TNRC6A: variants seen among roughly 807,000 people sequenced by gnomAD.
The protein encoded by TNRC6A is trinucleotide repeat containing adaptor 6A.
TNRC6A carries 44 observed loss-of-function variants against 221.2 expected under a neutral mutation model. The observed-to-expected ratio is 0.20, with a 90% CI of 0.16 to 0.26. TNRC6A has a LOEUF of 0.26. TNRC6A is among the 10% of genes least tolerant of loss of function. The pLI is 1.00. For synonymous variants in TNRC6A, 847 were observed against 838.5 expected (o/e 1.01, Z -0.18); for missense variants, 2,199 against 2,404.4 (o/e 0.91, Z 1.79).
intron 2 of TNRC6A, among the ~76,000 whole-genome samples, chr16:24,719,669 A>G (rs1361996534): frequency 6.6e-6 from 1 of 151,746 alleles, no homozygotes; most frequent in Non-Finnish European, 1.5e-5. Context: ...AAAAAAATTA[A>G]AAAAATAAAA....
intron 2 of TNRC6A, chr16:24,661,729 C>G (rs1221081757): frequency 6.6e-6 from 1 of 152,162 alleles, no homozygotes; most frequent in Non-Finnish European, 1.5e-5. Flanking sequence ...TTATTCTTTA[C>G]AGCATAATAT....
intron 2 of TNRC6A, among the ~76,000 whole-genome samples, chr16:24,660,728 CTTTTTT>C (rs138458968): frequency 1.6e-5 from 2 of 122,552 alleles, no homozygotes; most frequent in Non-Finnish European, 3.3e-5. Flanking sequence ...TTTCTTTTTT[CTTTTTT>C]TTTTCTTTTT....
intron 2 of TNRC6A, among the ~76,000 whole-genome samples, chr16:24,688,353 C>T (rs1029836043): frequency 1.6e-4 from 24 of 152,276 alleles, no homozygotes; most frequent in African/African-American, 2.4e-4. Context: ...GTACAGGCTT[C>T]TACAAGCTAC....
rs373768168 is a variant in TNRC6A at position 24,730,854 on chromosome 16, A to G, written c.53+554A>G. 9.0e-5 allele frequency among the ~76,000 whole-genome samples: 13 copies of G among 144,756 alleles called. 1 individual carries two copies. The South Asian group carries it at 2.6e-3, about 29-fold the overall frequency. The allele number at this position is 144,756 out of a possible 152,430, so 95.0% of individuals were successfully genotyped here. A position where few individuals can be genotyped will look rare whatever the true frequency, so the allele number is the denominator to read the frequency against. On this transcript the variant is annotated intron_variant, in intron 2 of 24. Transcript: ENST00000395799. ...GCGTTTTGTTTTCCTTCGAAACTCCATTTCTGTCCATGTTCGGTGTGTGCT... is the reference window on the plus strand; with the variant it reads ...GCGTTTTGTTTTCCTTCGAAACTCCGTTTCTGTCCATGTTCGGTGTGTGCT...
At chr16:24,667,396 T>C (rs1028036409) in intron 2 of TNRC6A, among the ~76,000 whole-genome samples, 4 of 152,214 alleles carry the variant, frequency 2.6e-5, no homozygotes, top group African/African-American at 9.6e-5. Context: ...ACAAGGCCTC[T>C]TGAGGCCCAG....
Position 24,750,774 on chromosome 16 carries a change from A to G in TNRC6A, c.102A>G (p.Lys34=). Residue 34 remains lysine, a synonymous_variant, in exon 3 of 25, where the codon AAA becomes AAG. Transcript: ENST00000395799. The stretch of plus-strand genomic sequence containing the variant: ...AGTTGATGGAAGAAAAGAAAAAGAA[A>G]AAAGACGACAAGAAAAAGAAGGAAG... ...EEQLMEEKKK[K]KDDKKKKEAA... is the part of the protein sequence containing the mutation. 6.4e-7 allele frequency: 1 copy of G among 1,569,620 alleles called. No individual in the cohort carries two copies. The highest frequency in any genetic ancestry group is 8.6e-7 in the Non-Finnish European group (1 of 1,160,804).
At chr16:24,747,952 A>G (rs1257393048) in intron 2 of TNRC6A, among the ~76,000 whole-genome samples, 1 of 152,184 alleles carries the variant, frequency 6.6e-6, no homozygotes, top group Non-Finnish European at 1.5e-5. Context: ...TCAGAAAAGG[A>G]CATGTCTGTA....
chr16:24,729,619 G>GC, upstream of TNRC6A: 1 of 432,428 alleles, frequency 2.3e-6, no homozygotes, highest in East Asian at 3.7e-5. Context: ...TGGCCGTGGC[G>GC]CCCCCGGAAG....
rs1238343129 is a variant in TNRC6A at position 24,824,393 on chromosome 16, G to C, written c.*586G>C. 1.3e-5 allele frequency: 2 copies of C among 152,412 alleles called. No individual in the cohort carries two copies. Among genetic ancestry groups the C allele is most frequent in the Non-Finnish European group, 2.9e-5 (2 of 68,014 alleles). The allele number at this position is 152,412 out of a possible 1,614,324, so 9.4% of individuals were successfully genotyped here. A position where few individuals can be genotyped will look rare whatever the true frequency, so the allele number is the denominator to read the frequency against. On this transcript the variant is annotated 3_prime_UTR_variant, in exon 25 of 25. Coordinates refer to ENST00000395799, the MANE Select transcript of TNRC6A (RefSeq NM_014494.4). ...ACTTAGGATTATTAATGAAAGTGTT[G>C]CACCAGTTTTTTCATGTTGTAAAAC...
chr16:24,690,815 T>G (rs543351598), intron 2 of TNRC6A, among the ~76,000 whole-genome samples: 150 of 151,574 alleles, frequency 9.9e-4, no homozygotes, highest in Non-Finnish European at 1.6e-3. Flanking sequence ...TCTTTCTTTT[T>G]TTTTTTTTTT....
At chr16:24,739,132 C>T (rs2151272304) in intron 2 of TNRC6A, among the ~76,000 whole-genome samples, 1 of 152,358 alleles carries the variant, frequency 6.6e-6, no homozygotes, top group East Asian at 1.9e-4. Context: ...TCTACATTCT[C>T]ATCAGCAATG....
chr16:24,780,954 A>G (rs1012037645), intron 5 of TNRC6A, among the ~76,000 whole-genome samples: 4 of 147,770 alleles, frequency 2.7e-5, no homozygotes, highest in Non-Finnish European at 5.9e-5. Flanking sequence ...AACTTCTACT[A>G]CTTGCTTGCA....
At chr16:24,777,389 A>G (rs769805909) in intron 5 of TNRC6A, 31 bp downstream of exon 5, 1 of 1,583,560 alleles carries the variant, frequency 6.3e-7, no homozygotes, top group Admixed American at 1.7e-5. Flanking sequence ...CGAGACTCAC[A>G]CCTTATCATC....
Position 24,797,570 on chromosome 16 carries a change from GGTAA to G in TNRC6A, c.3642+4_3642+7del. 2 of 1,607,344 alleles carry G rather than the reference GGTAA, an allele frequency of 1.2e-6. No homozygotes were observed. The highest frequency in any genetic ancestry group is 1.7e-6 in the Non-Finnish European group (2 of 1,176,544). ...AACAGTTTTCAAACATCAGTTTTTC[GGTAA>G]GTATGTTTTCTTAGCAGCTCCTTCC... On this transcript the variant is annotated splice_donor_variant and splice_donor_region_variant and intron_variant, in intron 10 of 24. Coordinates refer to ENST00000395799, the MANE Select transcript of TNRC6A (RefSeq NM_014494.4). LOFTEE classifies it high-confidence loss of function.
chr16:24,776,265 T>C, intron 4 of TNRC6A: 1 of 984,894 alleles, frequency 1.0e-6, no homozygotes, highest in Non-Finnish European at 1.2e-6. Context: ...CAGTTTCCGA[T>C]TTATTTTTCA....
chr16:24,644,900 G>GT (rs1483742329), intron 2 of TNRC6A, among the ~76,000 whole-genome samples: 1 of 152,112 alleles, frequency 6.6e-6, no homozygotes, highest in Non-Finnish European at 1.5e-5. Flanking sequence ...ATATCTTCAT[G>GT]TCAACCTGAA....
intron 9 of TNRC6A, among the ~76,000 whole-genome samples, chr16:24,796,857 C>T (rs1475180875): frequency 6.6e-6 from 1 of 152,322 alleles, no homozygotes; most frequent in Admixed American, 6.5e-5. Flanking sequence ...CACAGACCCT[C>T]CATCCTCTTA....
intron 2 of TNRC6A, among the ~76,000 whole-genome samples, chr16:24,733,462 C>T (rs967672566): frequency 6.6e-6 from 1 of 152,166 alleles, no homozygotes; most frequent in Non-Finnish European, 1.5e-5. Context: ...AAAATTGTCA[C>T]ATTATGTTAG....
intron 2 of TNRC6A, among the ~76,000 whole-genome samples, chr16:24,732,422 A>G (rs1284412215): frequency 6.6e-6 from 1 of 152,198 alleles, no homozygotes; most frequent in Non-Finnish European, 1.5e-5. Flanking sequence ...TTGATTGCTT[A>G]CTATGTGCCT....
Sources: allele counts gnomAD v4.1 joint callset (sites outside exome capture counted in the v4.1 genomes callset), GRCh38; gene constraint gnomAD v4.1.1; transcripts MANE v1.5; gene names NCBI Gene and HGNC (gene_info 2026-07-23, HGNC 2026-07-21).